The following C2orf78 variants were observed in gnomAD, a reference collection of about 807,000 sequenced individuals.
The protein encoded by C2orf78 is chromosome 2 open reading frame 78, also known as uncharacterized protein C2orf78.
C2orf78 carries 12 observed loss-of-function variants against 21.4 expected under a neutral mutation model. The ratio of observed to expected loss-of-function variants is 0.56; its 90% CI spans 0.36 to 0.91. C2orf78 has a LOEUF of 0.91. Among genes scored for constraint, C2orf78 ranks in the 40% least tolerant of loss-of-function variants. The pLI, the probability that C2orf78 is intolerant of heterozygous loss-of-function variation, is 0.01. For missense variants in C2orf78, 1,042 were observed against 1,092.4 expected (o/e 0.95, Z 0.65); for synonymous variants, 396 against 413.9 (o/e 0.96, Z 0.52).
chr2:73,815,989 A>G (rs1673186894), exon 3 of C2orf78: 1 of 1,614,032 alleles, frequency 6.2e-7, no homozygotes, highest in Admixed American at 1.7e-5. Flanking sequence ...GAGAGTAAGC[A>G]GTCAGGGAAA....
intron 1 of C2orf78, among the ~76,000 whole-genome samples, chr2:73,811,063 G>T (rs1031428572): frequency 6.6e-6 from 1 of 150,740 alleles, no homozygotes; most frequent in Non-Finnish European, 1.5e-5. Context: ...GGCTGAGGCG[G>T]GTGGATCACC....
chr2:73,815,856 A>C (rs766634406), exon 3 of C2orf78: 1 of 1,613,772 alleles, frequency 6.2e-7, no homozygotes, highest in South Asian at 1.1e-5. Flanking sequence ...CGCTTCTGTG[A>C]ACAAGGCCAA....
At chr2:73,785,874 C>T (rs1409772844) in intron 1 of C2orf78, among the ~76,000 whole-genome samples, 2 of 151,844 alleles carry the variant, frequency 1.3e-5, no homozygotes, top group South Asian at 2.1e-4. Context: ...AGGAGAAACC[C>T]CACCTCTACT....
intron 1 of C2orf78, among the ~76,000 whole-genome samples, chr2:73,786,364 G>A (rs1672934335): frequency 6.7e-6 from 1 of 149,708 alleles, no homozygotes; most frequent in African/African-American, 2.5e-5. Flanking sequence ...AGGCGACAGA[G>A]CGAGACTCCA....
exon 3 of C2orf78, chr2:73,816,786 C>T (rs946908285): frequency 1.6e-5 from 26 of 1,613,878 alleles, no homozygotes; most frequent in African/African-American, 8.0e-5. Flanking sequence ...CCTCCAACCC[C>T]GTCCATGGAG....
At chr2:73,816,617 C>T (rs776040679) in exon 3 of C2orf78, 6 of 1,613,284 alleles carry the variant, frequency 3.7e-6, no homozygotes, top group Non-Finnish European at 5.1e-6. Context: ...GTTCAGCCAA[C>T]CCTACCCAGC....
At chr2:73,813,823 T>G (rs778904821) in exon 2 of C2orf78, 1 of 1,614,036 alleles carries the variant, frequency 6.2e-7, no homozygotes. Context: ...TCACTGTGAC[T>G]GTCATTGATC....
At chr2:73,816,954 G>T (rs1673216012) in exon 3 of C2orf78, 1 of 1,611,094 alleles carries the variant, frequency 6.2e-7, no homozygotes, top group African/African-American at 1.3e-5. Context: ...AAGGGAAAGA[G>T]ATATGGAAAT....
At position 73,784,633 on chromosome 2, in the gene C2orf78, A is replaced by C. The variant is rs1328245304; in HGVS notation, c.97+227A>C. ...TTTCCTCATCTATTACACTAGGATA[A>C]TAGACTGGTTATTCCCCCTGGCCCT... is the stretch of plus-strand genomic sequence containing the variant. On this transcript the variant is annotated intron_variant, in intron 1 of 2. Transcript: ENST00000409561. 2.6e-5 allele frequency among the ~76,000 whole-genome samples: 4 copies of C among 151,332 alleles called. No homozygotes were observed. In the South Asian group the frequency reaches 8.3e-4, roughly 31 times the overall value.
intron 1 of C2orf78, among the ~76,000 whole-genome samples, chr2:73,813,233 C>G (rs943202818): frequency 6.6e-6 from 1 of 152,126 alleles, no homozygotes; most frequent in South Asian, 2.1e-4. Flanking sequence ...AAATAATGTA[C>G]GAAACCAGAC....
chr2:73,813,840 C>G, exon 2 of C2orf78: 1 of 1,613,988 alleles, frequency 6.2e-7, no homozygotes, highest in Non-Finnish European at 8.5e-7. Context: ...GATCAGAACA[C>G]AGCTGTCTCT....
At chr2:73,815,582 C>A in exon 3 of C2orf78, 1 of 1,613,940 alleles carries the variant, frequency 6.2e-7, no homozygotes. Context: ...ATACTTACCT[C>A]CCCCCGATCT....
chr2:73,814,890 A>T (rs1673161184), intron 2 of C2orf78, among the ~76,000 whole-genome samples, 181 bp from the exon 3 acceptor site: 1 of 152,226 alleles, frequency 6.6e-6, no homozygotes, highest in South Asian at 2.1e-4. Flanking sequence ...ATCACATCAA[A>T]TGATAACCAG....
chr2:73,784,554 T>C, intron 1 of C2orf78, 148 bp downstream of exon 1: 1 of 745,652 alleles, frequency 1.3e-6, no homozygotes, highest in South Asian at 1.9e-5. Flanking sequence ...GTTTTGGCTT[T>C]GACATTTACT....
chr2:73,814,597 T>C (rs531055979), intron 2 of C2orf78, among the ~76,000 whole-genome samples: 60 of 152,332 alleles, frequency 3.9e-4, no homozygotes, highest in African/African-American at 1.2e-3. Context: ...CATTTTGATT[T>C]TCCTTAACTT....
chr2:73,810,597 T>C (rs2103980908), intron 1 of C2orf78, among the ~76,000 whole-genome samples: 1 of 139,326 alleles, frequency 7.2e-6, no homozygotes, highest in South Asian at 2.1e-4. Context: ...TATATATACA[T>C]AAAATATATA....
At chr2:73,809,056 A>T (rs1163766252) in intron 1 of C2orf78, among the ~76,000 whole-genome samples, 21 of 152,102 alleles carry the variant, frequency 1.4e-4, no homozygotes, top group Admixed American at 3.3e-4. Flanking sequence ...CTTTGACATT[A>T]ACTAGCTGTG....
At position 73,814,091 on chromosome 2, in the gene C2orf78, AG is replaced by A. The variant is rs1248659336; in HGVS notation, c.715del (p.Ala239LeufsTer9). The A allele has an allele frequency of 6.2e-7, 1 of 1,613,362 alleles. No individual in the cohort carries two copies. Among genetic ancestry groups the A allele is most frequent in the Non-Finnish European group, 8.5e-7 (1 of 1,179,310 alleles). ...TGGCTCTGTGTCATACACAGGATAT[AG>A]GGCTTCTGCCCATCAACCAGAAATG... On this transcript the variant is annotated frameshift_variant, in exon 2 of 3. Transcript: ENST00000409561. LOFTEE classifies it high-confidence loss of function.
exon 3 of C2orf78, chr2:73,815,824 G>A (rs762490056): frequency 6.2e-7 from 1 of 1,613,782 alleles, no homozygotes; most frequent in Non-Finnish European, 8.5e-7. Context: ...GTGGTTGTTG[G>A]CAGTGCTACA....
Sources: allele counts gnomAD v4.1 joint callset (sites outside exome capture counted in the v4.1 genomes callset), GRCh38; gene constraint gnomAD v4.1.1; transcripts MANE v1.5; gene names NCBI Gene and HGNC (gene_info 2026-07-23, HGNC 2026-07-21).